The following CAMK4 variants were observed in gnomAD, a reference collection of about 807,000 sequenced individuals.
CAMK4 encodes calcium/calmodulin-dependent protein kinase type IV.
CAMK4 carries 22 observed loss-of-function variants against 44.9 expected under a neutral mutation model. The observed-to-expected ratio is 0.49, with a 90% CI of 0.35 to 0.70. CAMK4 has a LOEUF of 0.70. Ranked by LOEUF, CAMK4 falls within the 30% of genes least tolerant of loss-of-function variation. The pLI is 0.01. For missense variants in CAMK4, 498 were observed against 586.8 expected, an observed-to-expected ratio of 0.85 and a Z score of 1.56; for synonymous variants, 218 against 215.4, an observed-to-expected ratio of 1.01 and a Z score of -0.11.
At chr5:111,275,559 TTA>T (rs1487788176) in intron 1 of CAMK4, among the ~76,000 whole-genome samples, 31 of 152,242 alleles carry the variant, frequency 2.0e-4, no homozygotes, top group Admixed American at 4.6e-4. Flanking sequence ...AGTAATAGAC[TTA>T]GAATCCCACA....
intron 2 of CAMK4, among the ~76,000 whole-genome samples, chr5:111,355,335 G>A (rs1414509946): frequency 6.6e-6 from 1 of 151,976 alleles, no homozygotes; most frequent in African/African-American, 2.4e-5. Context: ...AAGGTGACAG[G>A]GAGGAATGTT....
chr5:111,482,608 C>T lies in CAMK4; in HGVS notation c.829-177C>T. ...CTGTCTTCTCATACTCCCTCAGCTA[C>T]TGCTACCTGAAGCTGTGCCTACCTA... On this transcript the variant is annotated intron_variant, in intron 9 of 10. Transcript: ENST00000282356. The surrounding 1 kb of genome is among the most constrained non-coding windows in gnomAD (Gnocchi z 4.9). 2.2e-6 allele frequency: 1 copy of T among 462,746 alleles called. No individual in the cohort carries two copies. Among genetic ancestry groups the T allele is most frequent in the Non-Finnish European group, 3.8e-6 (1 of 263,674 alleles). 28.7% of individuals were successfully genotyped at this position (462,746 alleles called of 1,614,324 possible).
intron 2 of CAMK4, among the ~76,000 whole-genome samples, chr5:111,355,525 A>AAG: frequency 1.2e-5 from 1 of 82,232 alleles, no homozygotes; most frequent in Admixed American, 1.3e-4. Flanking sequence ...ATTATACTTT[A>AAG]AGTTTTAGGG....
rs3066628 is a variant in CAMK4 at position 111,249,666 on chromosome 5, ATGTGTGTGTG to A, written c.161+25052_161+25061del. Reference sequence around the variant, plus strand: ...TATATGTGTGTGTGTGTGTATATATATGTGTGTGTGTGTGTGTGTGTGTGTGTGTGTGTGT... The same window carrying A: ...TATATGTGTGTGTGTGTGTATATATATGTGTGTGTGTGTGTGTGTGTGTGT... On this transcript the variant is annotated intron_variant, in intron 1 of 10. Coordinates refer to ENST00000282356, the MANE Select transcript of CAMK4 (RefSeq NM_001744.6). 2.6e-4 allele frequency among the ~76,000 whole-genome samples: 37 copies of A among 140,730 alleles called. No individual in the cohort carries two copies. The East Asian group carries it at 3.8e-3, about 14-fold the overall frequency. 92.3% of individuals were successfully genotyped at this position (140,730 alleles called of 152,430 possible). A position where few individuals can be genotyped will look rare whatever the true frequency, so the allele number is the denominator to read the frequency against.
intron 5 of CAMK4, among the ~76,000 whole-genome samples, chr5:111,407,595 T>C (rs912608810): frequency 2.0e-5 from 3 of 152,158 alleles, no homozygotes; most frequent in African/African-American, 7.2e-5. Context: ...AAGGATATTA[T>C]CACAATATCT....
At position 111,443,288 on chromosome 5, in the gene CAMK4, A is replaced by G. The variant is rs1208029578; in HGVS notation, c.460-3398A>G. 8.6e-3 allele frequency among the ~76,000 whole-genome samples: 912 copies of G among 105,698 alleles called. 10 individuals are homozygous for G. Among genetic ancestry groups the G allele is most frequent in the African/African-American group, 0.035 (871 of 24,912 alleles). The allele number at this position is 105,698 out of a possible 152,430, so 69.3% of individuals were successfully genotyped here. On this transcript the variant is annotated intron_variant, in intron 5 of 10. Coordinates refer to ENST00000282356, the MANE Select transcript of CAMK4 (RefSeq NM_001744.6). Reference sequence around the variant, plus strand: ...TATATATATATATATATACACACACACACACACACACACACACACACACAC... The same window carrying G: ...TATATATATATATATATACACACACGCACACACACACACACACACACACAC...
At chr5:111,431,904 C>G (rs1322800880) in intron 5 of CAMK4, among the ~76,000 whole-genome samples, 1 of 152,000 alleles carries the variant, frequency 6.6e-6, no homozygotes, top group Non-Finnish European at 1.5e-5. Flanking sequence ...CCTTGTACAA[C>G]GTTGTTGAGA....
chr5:111,377,303 A>G (rs961293528), intron 4 of CAMK4, among the ~76,000 whole-genome samples: 2 of 152,126 alleles, frequency 1.3e-5, no homozygotes, highest in Non-Finnish European at 2.9e-5. Context: ...AAATTATAAA[A>G]AATTAAACAT....
At chr5:111,405,393 G>A (rs749322605) in intron 5 of CAMK4, among the ~76,000 whole-genome samples, 3 of 152,056 alleles carry the variant, frequency 2.0e-5, no homozygotes, top group East Asian at 3.9e-4. Context: ...ATTTGAACCC[G>A]GTAGGCAGAG....
Position 111,377,338 on chromosome 5 carries a change from A to G in CAMK4, c.386+396A>G, listed in dbSNP as rs141226775. Among the ~76,000 whole-genome samples the G allele has an allele frequency of 4.4e-3, 664 of 152,266 alleles. 6 individuals carry two copies. The highest frequency in any genetic ancestry group is 0.015 in the African/African-American group (615 of 41,580). ...TGTACTCTGTCCTCTGTTATGATCC[A>G]AAAGCTCATAAAACTCAATAATCTT... On this transcript the variant is annotated intron_variant, in intron 4 of 10. Transcript: ENST00000282356.
At chr5:111,415,790 C>CCAGT (rs1307216908) in intron 5 of CAMK4, among the ~76,000 whole-genome samples, 1 of 152,038 alleles carries the variant, frequency 6.6e-6, no homozygotes, top group Non-Finnish European at 1.5e-5. Context: ...ATCCATGGAT[C>CCAGT]CAGTCAACCT....
At chr5:111,264,093 A>C (rs447021) in intron 1 of CAMK4, among the ~76,000 whole-genome samples, 152,238 of 152,330 alleles carry the variant, frequency 1, 76,073 homozygotes, top group Middle Eastern at 1. Context: ...CCAATTTTTG[A>C]ATGACTGGCT....
At chr5:111,301,532 A>G (rs1227171454) in intron 1 of CAMK4, among the ~76,000 whole-genome samples, 1 of 152,212 alleles carries the variant, frequency 6.6e-6, no homozygotes, top group Non-Finnish European at 1.5e-5. Flanking sequence ...ATCAGAAGTC[A>G]TTATTTTCCT....
intron 2 of CAMK4, among the ~76,000 whole-genome samples, chr5:111,371,335 C>A (rs537969265): frequency 6.6e-6 from 1 of 152,106 alleles, no homozygotes; most frequent in Admixed American, 6.6e-5. Flanking sequence ...AGAATAAGCC[C>A]ACTGTTTTAA....
intron 2 of CAMK4, among the ~76,000 whole-genome samples, chr5:111,373,713 A>G (rs754809334): frequency 7.9e-5 from 12 of 152,278 alleles, no homozygotes; most frequent in Non-Finnish European, 1.0e-4. Context: ...ATATGCCTAT[A>G]GAGTTTGGCT....
intron 7 of CAMK4, among the ~76,000 whole-genome samples, chr5:111,453,100 T>C (rs1237836191): frequency 2.0e-5 from 3 of 152,108 alleles, no homozygotes; most frequent in African/African-American, 7.2e-5. Context: ...TGTAAGTAAA[T>C]ACATATGTGT....
In CAMK4 at chr5:111,290,387, TA is replaced by T. The variant is rs1316630337; in HGVS notation, c.162-53636del. Reference sequence around the variant, plus strand: ...AGGCAAAATTATTATGAAGTATAGTTAGGGAATTATACTTCATTAGGGAATT... The same window carrying T: ...AGGCAAAATTATTATGAAGTATAGTTGGGAATTATACTTCATTAGGGAATT... On this transcript the variant is annotated intron_variant, in intron 1 of 10. Coordinates refer to ENST00000282356, the MANE Select transcript of CAMK4 (RefSeq NM_001744.6). This position sits in a 1 kb window ranked among gnomAD's most constrained non-coding sequence, Gnocchi z 4.5. Among the ~76,000 whole-genome samples the T allele has an allele frequency of 6.6e-6, 1 of 152,312 alleles. No homozygotes were observed. The highest frequency in any genetic ancestry group is 1.9e-4 in the East Asian group (1 of 5,186).
chr5:111,460,240 T>C (rs1754593321), intron 7 of CAMK4, among the ~76,000 whole-genome samples: 1 of 150,226 alleles, frequency 6.7e-6, no homozygotes, highest in South Asian at 2.1e-4. Flanking sequence ...GAGAAAAACA[T>C]AATGTTTTTC....
chr5:111,288,065 A>G (rs773570936), intron 1 of CAMK4, among the ~76,000 whole-genome samples: 2 of 152,234 alleles, frequency 1.3e-5, no homozygotes, highest in Non-Finnish European at 2.9e-5. Context: ...AAATGAAATT[A>G]TGTAGTGTAT....
Sources: gnomAD v4.1 joint callset for allele counts (sites outside exome capture counted in the v4.1 genomes callset) on GRCh38, gnomAD v4.1.1 for gene constraint, Gnocchi (gnomAD v3.1) non-coding constraint, MANE v1.5 for transcripts, NCBI Gene and HGNC (gene_info 2026-07-23, HGNC 2026-07-21) for gene names.